The following DIP2C variants were observed in gnomAD, a reference collection of about 807,000 sequenced individuals.
DIP2C encodes DIP2 acetate--CoA ligase C (putative).
A neutral mutation model predicts 192.4 loss-of-function variants in DIP2C; 33 were observed. The ratio of observed to expected loss-of-function variants is 0.17; its 90% confidence interval spans 0.13 to 0.23. DIP2C has a LOEUF of 0.23. DIP2C is among the 10% of genes least tolerant of loss of function. DIP2C has a pLI of 1.00. For missense variants in DIP2C, 1,537 were observed against 2,110.1 expected, an observed-to-expected ratio of 0.73 and a Z score of 5.32; for synonymous variants, 979 against 864.1, an observed-to-expected ratio of 1.13 and a Z score of -2.33.
intron 3 of DIP2C, among the ~76,000 whole-genome samples, chr10:457,361 A>T (rs1969387124): frequency 6.6e-6 from 1 of 152,194 alleles, no homozygotes; most frequent in Non-Finnish European, 1.5e-5. Flanking sequence ...CTATAAATTC[A>T]AGTACCATTT....
At chr10:533,152 AGT>A (rs1847513742) in intron 1 of DIP2C, among the ~76,000 whole-genome samples, 1 of 152,178 alleles carries the variant, frequency 6.6e-6, no homozygotes, top group African/African-American at 2.4e-5. Context: ...TATCTAAGAA[AGT>A]GTCAGAACTG....
chr10:526,061 C>G (rs1030500866), intron 1 of DIP2C, among the ~76,000 whole-genome samples: 2 of 152,250 alleles, frequency 1.3e-5, no homozygotes, highest in African/African-American at 4.8e-5. Flanking sequence ...CTCCTCTGTG[C>G]CTACACTCAC....
At chr10:431,109 C>G (rs946580190) in intron 4 of DIP2C, among the ~76,000 whole-genome samples, 3 of 152,188 alleles carry the variant, frequency 2.0e-5, no homozygotes, top group Non-Finnish European at 4.4e-5. Context: ...TGGATTATCA[C>G]TGATTTATAG....
rs550524459 is a variant in DIP2C at position 616,445 on chromosome 10, A to C, written c.85+73049T>G. On this transcript the variant is annotated intron_variant, in intron 1 of 36. Coordinates refer to ENST00000280886, the MANE Select transcript of DIP2C (RefSeq NM_014974.3). Reference sequence around the variant, plus strand: ...GATTTTCTTATTTTAGGAATTTTTAAATCCATGGTCTGCATTTCCCAAGCC... The same window carrying C: ...GATTTTCTTATTTTAGGAATTTTTACATCCATGGTCTGCATTTCCCAAGCC... Among the ~76,000 whole-genome samples the C allele has an allele frequency of 2.0e-4, 30 of 152,344 alleles. No homozygotes were observed. In the South Asian group the frequency reaches 5.8e-3, roughly 29 times the overall value.
chr10:483,767 G>C (rs1843793822), intron 2 of DIP2C, among the ~76,000 whole-genome samples: 1 of 152,194 alleles, frequency 6.6e-6, no homozygotes, highest in Non-Finnish European at 1.5e-5. Flanking sequence ...CCTCTTCTGA[G>C]ACCCCAGTGG....
chr10:598,117 G>T (rs1851825344), intron 1 of DIP2C, among the ~76,000 whole-genome samples: 1 of 152,216 alleles, frequency 6.6e-6, no homozygotes, highest in African/African-American at 2.4e-5. Context: ...ATGGATCACG[G>T]CCTCCCACGA....
At chr10:367,242 C>T (rs1301012821) in intron 18 of DIP2C, among the ~76,000 whole-genome samples, 1 of 152,018 alleles carries the variant, frequency 6.6e-6, no homozygotes, top group African/African-American at 2.4e-5. Context: ...ATGGTGAAAC[C>T]CCGTCTCTAC....
rs75493545 is a variant in DIP2C at position 314,136 on chromosome 10, G to A, written c.3925-4044C>T. 9.8e-3 allele frequency among the ~76,000 whole-genome samples: 1,498 copies of A among 152,290 alleles called. 22 individuals carry two copies. Among genetic ancestry groups the A allele is most frequent in the African/African-American group, 0.034 (1,407 of 41,542 alleles). On this transcript the variant is annotated intron_variant, in intron 31 of 36. Transcript: ENST00000280886. ...TGACACAAAATTTGACTACTTCTTT[G>A]TACTCCTATTTCCAGAAGAATTTTT...
intron 32 of DIP2C, among the ~76,000 whole-genome samples, chr10:289,846 G>A (rs138740502): frequency 2.0e-3 from 298 of 152,286 alleles, no homozygotes; most frequent in Non-Finnish European, 3.3e-3. Context: ...AGGTGGCACC[G>A]GCCTGACGTC....
chr10:488,315 GCT>G (rs1844167715), intron 1 of DIP2C, among the ~76,000 whole-genome samples: 1 of 152,204 alleles, frequency 6.6e-6, no homozygotes, highest in African/African-American at 2.4e-5. Context: ...TCCTTGCCGA[GCT>G]GCAAGGCAAG....
chr10:612,632 G>A (rs572625032), intron 1 of DIP2C, among the ~76,000 whole-genome samples: 1 of 152,238 alleles, frequency 6.6e-6, no homozygotes, highest in South Asian at 2.1e-4. Flanking sequence ...CTGGAGATGG[G>A]ATCCCAGGTT....
intron 1 of DIP2C, among the ~76,000 whole-genome samples, chr10:677,859 G>A (rs1000719311): frequency 1.3e-5 from 2 of 152,222 alleles, no homozygotes; most frequent in African/African-American, 4.8e-5. Flanking sequence ...AGACAGGTGG[G>A]TGGCCTGAGA....
At chr10:337,049 G>GGTTGTGTGTGT (rs1554822490) in intron 29 of DIP2C, among the ~76,000 whole-genome samples, 1 of 37,964 alleles carries the variant, frequency 2.6e-5, no homozygotes. Context: ...GGCCTAGACT[G>GGTTGTGTGTGT]GTGTGTGTGT....
In DIP2C at chr10:362,602, A is replaced by G; in HGVS notation, c.2682T>C (p.His894=). Reference sequence around the variant, plus strand: ...GAAAAAGCTGTTTTGTTTCTGATAAATGGATCCCACCAAGCGGGGTTTTGG... The same window carrying G: ...GAAAAAGCTGTTTTGTTTCTGATAAGTGGATCCCACCAAGCGGGGTTTTGG... The part of the protein sequence containing the change: ...TLPKTPLGGI[H]LSETKQLFLE... Residue 894 remains histidine (H), a synonymous_variant, in exon 22 of 37, where the codon CAT becomes CAC. Coordinates refer to ENST00000280886, the MANE Select transcript of DIP2C (RefSeq NM_014974.3). 1 of 1,614,162 alleles carries G rather than the reference A, an allele frequency of 6.2e-7. No individual in the cohort carries two copies. The highest frequency in any genetic ancestry group is 1.3e-5 in the African/African-American group (1 of 75,062).
At chr10:313,437 A>T (rs1409960886) in intron 31 of DIP2C, among the ~76,000 whole-genome samples, 3 of 152,054 alleles carry the variant, frequency 2.0e-5, no homozygotes, top group Non-Finnish European at 1.5e-5. Flanking sequence ...TGAGTTTCGC[A>T]TGTTTAGATT....
chr10:561,154 T>TA (rs1192308999), intron 1 of DIP2C, among the ~76,000 whole-genome samples: 8 of 152,240 alleles, frequency 5.3e-5, no homozygotes, highest in Non-Finnish European at 8.8e-5. Context: ...ACCTTGGGAA[T>TA]AGGTTCTTAG....
chr10:450,861 C>T (rs1031321861), intron 3 of DIP2C, among the ~76,000 whole-genome samples: 7 of 152,152 alleles, frequency 4.6e-5, no homozygotes, highest in Admixed American at 2.0e-4. Flanking sequence ...ACTAAAAAGA[C>T]GAAGGAAATA....
chr10:317,951 A>C (rs1956847035), intron 31 of DIP2C, among the ~76,000 whole-genome samples: 2 of 152,240 alleles, frequency 1.3e-5, no homozygotes, highest in South Asian at 4.1e-4. Context: ...GAACCAGAGA[A>C]AGAGGAGGCA....
chr10:525,306 G>A (rs1846985616), intron 1 of DIP2C, among the ~76,000 whole-genome samples: 1 of 152,150 alleles, frequency 6.6e-6, no homozygotes, highest in Non-Finnish European at 1.5e-5. Flanking sequence ...TATGTCCACA[G>A]CTATTCGGAA....
Sources: allele counts gnomAD v4.1 joint callset (sites outside exome capture counted in the v4.1 genomes callset), GRCh38; gene constraint gnomAD v4.1.1; transcripts MANE v1.5; gene names NCBI Gene and HGNC (gene_info 2026-07-23, HGNC 2026-07-21).